SERPINB6: variants seen among roughly 807,000 people sequenced by gnomAD.
The protein encoded by SERPINB6 is serpin B6.
In SERPINB6, 16 loss-of-function variants were observed where a neutral mutation model predicts 26.1. The observed-to-expected ratio is 0.61, with a 90% confidence interval of 0.42 to 0.93. SERPINB6 has a LOEUF of 0.93. Ranked by LOEUF, SERPINB6 falls within the 40% of genes least tolerant of loss-of-function variation. The pLI is 0.00. For synonymous variants in SERPINB6, 174 were observed against 176.6 expected (o/e 0.99, Z 0.11); for missense variants, 420 against 478.0 (o/e 0.88, Z 1.13).
intron 5 of SERPINB6, among the ~76,000 whole-genome samples, chr6:2,952,607 T>C (rs1023184366): frequency 6.6e-6 from 1 of 152,256 alleles, no homozygotes; most frequent in East Asian, 1.9e-4. Context: ...ACCAGCTACG[T>C]GTCTGGCACT....
At chr6:2,962,618 G>A (rs1343436004) in intron 1 of SERPINB6, among the ~76,000 whole-genome samples, 1 of 152,182 alleles carries the variant, frequency 6.6e-6, no homozygotes, top group East Asian at 1.9e-4. Context: ...CCCACAGTGA[G>A]GTCAGTAATG....
chr6:2,949,086 T>C lies in SERPINB6; in HGVS notation c.574-17A>G, dbSNP rs764700657. The C allele has an allele frequency of 6.8e-6, 11 of 1,613,150 alleles. No individual in the cohort carries two copies. The highest frequency in any genetic ancestry group is 9.3e-6 in the Non-Finnish European group (11 of 1,179,800). On this transcript the variant is annotated splice_polypyrimidine_tract_variant and intron_variant, in intron 5 of 6. Coordinates refer to ENST00000380539, the MANE Select transcript of SERPINB6 (RefSeq NM_004568.6). ...CTCCTCATTCTACAAAGAAAACAGA[T>C]AAACATCAAGTTGAAACAAGACCCC... is the stretch of plus-strand genomic sequence containing the variant.
chr6:2,953,147 G>C lies in SERPINB6; in HGVS notation c.470C>G (p.Pro157Arg). The change falls in exon 5 of 7, where the codon CCA becomes CGA. Residue 157 changes from proline (P) to arginine (R), a missense_variant. Physicochemically the swap from Pro to Arg is moderately radical, Grantham distance 103. Coordinates refer to ENST00000380539, the MANE Select transcript of SERPINB6 (RefSeq NM_004568.6). The part of the protein sequence containing the change: ...AELLSPGSVD[P>R]LTRLVLVNAV... ...ATTCACCAGAACCAGCCTTGTCAAT[G>C]GATCCACTGAGCCCGGAGAGAGCAA... 1 of 1,614,196 alleles carries C rather than the reference G, an allele frequency of 6.2e-7. No homozygotes were observed.
intron 2 of SERPINB6, chr6:2,956,891 C>G (rs1770566617): frequency 6.6e-6 from 1 of 152,116 alleles, no homozygotes; most frequent in Non-Finnish European, 1.5e-5. Flanking sequence ...CAGGTGTCCA[C>G]TGAAACAGCT....
In SERPINB6 at chr6:2,948,613, C is replaced by T. The variant is rs151200580; in HGVS notation, c.816G>A (p.Pro272=). 6.8e-5 allele frequency: 109 copies of T among 1,614,126 alleles called. No homozygotes were observed. The highest frequency in any genetic ancestry group is 6.0e-4 in the Admixed American group (36 of 60,032). The change falls in exon 7 of 7, where the codon CCG becomes CCA. Residue 272 remains proline (P), a synonymous_variant. Coordinates refer to ENST00000380539, the MANE Select transcript of SERPINB6 (RefSeq NM_004568.6). This position sits in a 1 kb window ranked among gnomAD's most constrained non-coding sequence, Gnocchi z 5.0. ...MDEEEVEVSL[P]RFKLEESYDM... The stretch of plus-strand genomic sequence containing the variant: ...CGTAGCTTTCCTCTAGTTTAAACCG[C>T]GGGAGGGACACTTCCACCTCCTCTT...
chr6:2,969,754 C>T, intron 1 of SERPINB6: 1 of 968,958 alleles, frequency 1.0e-6, no homozygotes. Context: ...CCTCTGTTTC[C>T]TTGTGCAGTG....
upstream of SERPINB6, chr6:2,971,670 G>A (rs1340253356): frequency 6.6e-6 from 1 of 152,066 alleles, no homozygotes; most frequent in Non-Finnish European, 1.5e-5. Flanking sequence ...AGGGAGAGGC[G>A]GGGCGGGACG....
intron 1 of SERPINB6, among the ~76,000 whole-genome samples, chr6:2,964,393 G>GTGTAAA (rs1771425360): frequency 6.6e-6 from 1 of 151,832 alleles, no homozygotes; most frequent in South Asian, 2.1e-4. Context: ...AATGACATGG[G>GTGTAAA]AATACACAAG....
In SERPINB6 at chr6:2,948,425, G is replaced by A; in HGVS notation, c.1004C>T (p.Ala335Val). ...EEGTEAAAAT[A>V]AIMMMRCARF... ...GGCACACCGCATCATCATGATGGCA[G>A]CTGTGGCGGCTGCAGCCTCCGTGCC... is the stretch of plus-strand genomic sequence containing the variant. Residue 335 changes from alanine to valine, a missense_variant, in exon 7 of 7, where the codon GCT becomes GTT. By Grantham distance (64) the Ala-to-Val change is moderately conservative. Coordinates refer to ENST00000380539, the MANE Select transcript of SERPINB6 (RefSeq NM_004568.6). The surrounding 1 kb of genome is among the most constrained non-coding windows in gnomAD (Gnocchi z 5.0). 6.2e-7 allele frequency: 1 copy of A among 1,614,082 alleles called. No homozygotes were observed. The highest frequency in any genetic ancestry group is 1.1e-5 in the South Asian group (1 of 91,090).
In SERPINB6 at chr6:2,959,598, G is replaced by A. The variant is rs534379092; in HGVS notation, c.-10-256C>T. ...CTCCTCCCTGCACGCCTGCCCGCAC[G>A]TGGAGAAAGTGGGAAGGAGGCACCC... On this transcript the variant is annotated intron_variant, in intron 1 of 6. Transcript: ENST00000380539. The A allele has an allele frequency of 3.0e-3, 1,465 of 495,658 alleles. 5 individuals carry two copies. The highest frequency in any genetic ancestry group is 4.6e-3 in the Non-Finnish European group (1,251 of 272,178). 30.7% of individuals were successfully genotyped at this position (495,658 alleles called of 1,614,324 possible).
At position 2,950,587 on chromosome 6, in the gene SERPINB6, C is replaced by T. The variant is rs547268691; in HGVS notation, c.574-1518G>A. 2.0e-5 allele frequency among the ~76,000 whole-genome samples: 3 copies of T among 149,404 alleles called. No homozygotes were observed. The East Asian group carries it at 5.9e-4, about 29-fold the overall frequency. On this transcript the variant is annotated intron_variant, in intron 5 of 6. Transcript: ENST00000380539. ...ATCTCTGCTGAATAAATGATAAATG[C>T]ATAAACGAATTAATGAGCTGGGATG...
Position 2,955,732 on chromosome 6 carries a change from G to T in SERPINB6, c.166-62C>A, listed in dbSNP as rs554308569. 1.7e-5 allele frequency: 27 copies of T among 1,586,062 alleles called. No individual in the cohort carries two copies. The East Asian group carries it at 3.4e-4, about 20-fold the overall frequency. On this transcript the variant is annotated intron_variant, in intron 2 of 6. Transcript: ENST00000380539. ...GTATGCTCTGACTTCAGGAAATGGGGCAACCCCAAACTCAGCCTAACAACC... is the reference window on the plus strand; with the variant it reads ...GTATGCTCTGACTTCAGGAAATGGGTCAACCCCAAACTCAGCCTAACAACC...
In SERPINB6 at chr6:2,955,634, T is replaced by G; in HGVS notation, c.202A>C (p.Ile68Leu). 1 of 1,614,018 alleles carries G rather than the reference T, an allele frequency of 6.2e-7. No individual in the cohort carries two copies. The highest frequency in any genetic ancestry group is 8.5e-7 in the Non-Finnish European group (1 of 1,179,880). ...SFNKSGGGGD[I>L]HQGFQSLLTE... is the part of the protein sequence containing the mutation. ...AGAAGAGACTGGAAGCCCTGGTGGATGTCTCCACCACCGCCACTTTTATTG... is the reference window on the plus strand; with the variant it reads ...AGAAGAGACTGGAAGCCCTGGTGGAGGTCTCCACCACCGCCACTTTTATTG... Residue 68 changes from isoleucine to leucine, a missense_variant, in exon 3 of 7, where the codon ATC becomes CTC. Coordinates refer to ENST00000380539, the MANE Select transcript of SERPINB6 (RefSeq NM_004568.6).
At position 2,954,716 on chromosome 6, in the gene SERPINB6, T is replaced by C. The variant is rs1371352749; in HGVS notation, c.313-7A>G. On this transcript the variant is annotated splice_polypyrimidine_tract_variant and splice_region_variant and intron_variant, in intron 3 of 6. Transcript: ENST00000380539. ...GGCAGGAATCTCTAAAAGACTAGGATAGACAGAGTGACATAACTGCCTGGC... is the reference window on the plus strand; with the variant it reads ...GGCAGGAATCTCTAAAAGACTAGGACAGACAGAGTGACATAACTGCCTGGC... 3 of 1,601,390 alleles carry C rather than the reference T, an allele frequency of 1.9e-6. No homozygotes were observed. Among genetic ancestry groups the C allele is most frequent in the South Asian group, 2.2e-5 (2 of 90,814 alleles).
At chr6:2,969,162 A>G (rs897952517) in intron 1 of SERPINB6, 1 of 995,934 alleles carries the variant, frequency 1.0e-6, no homozygotes, top group African/African-American at 1.7e-5. Context: ...TACTCCAAAT[A>G]TCAACAAATT....
chr6:2,959,183 A>G lies in SERPINB6; in HGVS notation c.150T>C (p.Ala50=). The change falls in exon 2 of 7, where the codon GCT becomes GCC. Residue 50 remains alanine (A), a synonymous_variant. Transcript: ENST00000380539. ...GAAGCTGTACCTGGGCCATCTGTGC[A>G]GCGGTGTTTCCCTTTGCCCCCATGT... The part of the protein sequence containing the change: ...MVYMGAKGNT[A]AQMAQILSFN... 6.2e-7 allele frequency: 1 copy of G among 1,614,214 alleles called. No homozygotes were observed. Among genetic ancestry groups the G allele is most frequent in the Non-Finnish European group, 8.5e-7 (1 of 1,180,042 alleles).
At chr6:2,970,955 A>G (rs1772093936) in intron 1 of SERPINB6, 1 of 1,226,404 alleles carries the variant, frequency 8.2e-7, no homozygotes, top group African/African-American at 1.6e-5. Flanking sequence ...TCCAGTGAAC[A>G]CACGCAGGGG....
intron 5 of SERPINB6, among the ~76,000 whole-genome samples, chr6:2,952,542 T>C (rs991739003): frequency 1.3e-5 from 2 of 152,246 alleles, no homozygotes; most frequent in African/African-American, 2.4e-5. Flanking sequence ...TCTGTACTTA[T>C]CCTTACTATC....
chr6:2,971,021 G>C (rs982220603), intron 1 of SERPINB6: 2 of 1,216,486 alleles, frequency 1.6e-6, no homozygotes, highest in Non-Finnish European at 2.0e-6. Flanking sequence ...CCTCCCGCCC[G>C]GCTCCTAACA....
Sources: gnomAD v4.1 joint callset for allele counts (sites outside exome capture counted in the v4.1 genomes callset) on GRCh38, gnomAD v4.1.1 for gene constraint, Gnocchi (gnomAD v3.1) non-coding constraint, MANE v1.5 for transcripts, NCBI Gene and HGNC (gene_info 2026-07-23, HGNC 2026-07-21) for gene names.